Variants in TRPC4 observed in about 807,000 individuals in gnomAD.
TRPC4 encodes the protein short transient receptor potential channel 4.
In TRPC4, 49 loss-of-function variants were observed where a neutral mutation model predicts 99.4. The observed-to-expected ratio is 0.49, with a 90% CI of 0.39 to 0.63. The LOEUF (loss-of-function observed/expected upper bound fraction) is 0.63. TRPC4 is among the 20% of genes least tolerant of loss of function. The pLI is 0.00. For missense variants in TRPC4, 898 were observed against 1,152.9 expected (o/e 0.78, Z 3.20); for synonymous variants, 454 against 425.9 (o/e 1.07, Z -0.81).
At chr13:37,752,861 T>C (rs1301076418) in intron 2 of TRPC4, among the ~76,000 whole-genome samples, 1 of 152,084 alleles carries the variant, frequency 6.6e-6, no homozygotes, top group Non-Finnish European at 1.5e-5. Flanking sequence ...TTTAATGGCT[T>C]TCATTTAATC....
chr13:37,701,174 G>A (rs1954090953), intron 3 of TRPC4, among the ~76,000 whole-genome samples: 1 of 152,130 alleles, frequency 6.6e-6, no homozygotes, highest in Non-Finnish European at 1.5e-5. Context: ...AAGAGTTATA[G>A]TTCCCTATAA....
chr13:37,819,007 A>G (rs999669537), intron 1 of TRPC4, among the ~76,000 whole-genome samples: 1 of 151,986 alleles, frequency 6.6e-6, no homozygotes, highest in Non-Finnish European at 1.5e-5. Flanking sequence ...AAAACCATTA[A>G]TAATAGGAAA....
intron 1 of TRPC4, among the ~76,000 whole-genome samples, chr13:37,850,694 CCTT>C (rs1959031558): frequency 6.6e-6 from 1 of 152,044 alleles, no homozygotes; most frequent in Non-Finnish European, 1.5e-5. Context: ...AATTAACACT[CCTT>C]CTGAAAACAA....
intron 1 of TRPC4, among the ~76,000 whole-genome samples, chr13:37,811,423 C>A (rs1436986781): frequency 6.6e-6 from 1 of 152,132 alleles, no homozygotes; most frequent in Admixed American, 6.6e-5. Context: ...ATCCCAAATA[C>A]TGCCTTGAGA....
intron 4 of TRPC4, among the ~76,000 whole-genome samples, chr13:37,691,438 T>A (rs1401554480): frequency 6.6e-6 from 1 of 152,228 alleles, no homozygotes; most frequent in African/African-American, 2.4e-5. Context: ...CTTTAAGGTT[T>A]TCTACTTCAC....
intron 1 of TRPC4, among the ~76,000 whole-genome samples, chr13:37,804,801 T>C (rs1246078127): frequency 6.6e-6 from 1 of 152,030 alleles, no homozygotes; most frequent in African/African-American, 2.4e-5. Context: ...GTATAGGATA[T>C]CCATTTTGGA....
At chr13:37,778,260 A>ATT (rs57406120) in intron 2 of TRPC4, among the ~76,000 whole-genome samples, 5,847 of 152,044 alleles carry the variant, frequency 0.038, 141 homozygotes, top group African/African-American at 0.065. Context: ...GGGACATATT[A>ATT]TTACGTCACT....
chr13:37,833,412 T>G (rs1346848347), intron 1 of TRPC4, among the ~76,000 whole-genome samples: 1 of 152,196 alleles, frequency 6.6e-6, no homozygotes, highest in Non-Finnish European at 1.5e-5. Context: ...TTCACAACCA[T>G]CTGGGCATAT....
chr13:37,657,078 T>G (rs921625031), intron 6 of TRPC4, among the ~76,000 whole-genome samples: 3 of 152,232 alleles, frequency 2.0e-5, no homozygotes, highest in South Asian at 2.1e-4. Flanking sequence ...AGGATGGAAA[T>G]TGCTTTTTTA....
intron 1 of TRPC4, among the ~76,000 whole-genome samples, chr13:37,863,138 G>A (rs747149999): frequency 4.2e-4 from 64 of 151,346 alleles, no homozygotes; most frequent in African/African-American, 1.5e-3. Flanking sequence ...CATGATGTTC[G>A]TGCAATGATG....
intron 1 of TRPC4, among the ~76,000 whole-genome samples, chr13:37,821,458 A>G (rs886659961): frequency 6.6e-6 from 1 of 152,168 alleles, no homozygotes; most frequent in Admixed American, 6.6e-5. Flanking sequence ...AATTAGAAAA[A>G]CTATTTTAAA....
chr13:37,675,749 C>T (rs1953024137), intron 4 of TRPC4, among the ~76,000 whole-genome samples: 1 of 152,148 alleles, frequency 6.6e-6, no homozygotes, highest in Non-Finnish European at 1.5e-5. Context: ...GGGCATCGAT[C>T]ATGGAGAAAG....
At chr13:37,728,953 G>T (rs1018600717) in intron 3 of TRPC4, among the ~76,000 whole-genome samples, 1 of 152,042 alleles carries the variant, frequency 6.6e-6, no homozygotes, top group Admixed American at 6.6e-5. Context: ...TCAACAAATG[G>T]TGCTGGGAAA....
chr13:37,645,712 C>T lies in TRPC4; in HGVS notation c.2079+5553G>A, dbSNP rs1472528343. ...GGATCTACATATTGTTCTCTATAAA[C>T]AGTCTTTCTGCACCCTTATAGCATA... On this transcript the variant is annotated intron_variant, in intron 8 of 10. Coordinates refer to ENST00000379705, the MANE Select transcript of TRPC4 (RefSeq NM_016179.4). Among the ~76,000 whole-genome samples the T allele has an allele frequency of 2.0e-5, 3 of 152,180 alleles. No homozygotes were observed. In the East Asian group the frequency reaches 5.8e-4, roughly 29 times the overall value.
At chr13:37,800,524 T>A (rs1421478697) in intron 1 of TRPC4, among the ~76,000 whole-genome samples, 1 of 152,210 alleles carries the variant, frequency 6.6e-6, no homozygotes, top group East Asian at 1.9e-4. Flanking sequence ...ATTTAGTTGT[T>A]TCAGCTTTAG....
In TRPC4 at chr13:37,727,688, C is replaced by T. The variant is rs553362355; in HGVS notation, c.897+18249G>A. Among the ~76,000 whole-genome samples, 274 of 151,870 alleles carry T rather than the reference C, an allele frequency of 1.8e-3. 2 individuals are homozygous for T. The highest frequency in any genetic ancestry group is 2.7e-4 in the Non-Finnish European group (18 of 67,826). On this transcript the variant is annotated intron_variant, in intron 3 of 10. Transcript: ENST00000379705. ...GACTGACTAAAATAAATAGAGAAGA[C>T]TCAATTTACTAAAATCAGAAATGAA...
At chr13:37,695,227 T>G (rs1052839182) in intron 3 of TRPC4, among the ~76,000 whole-genome samples, 22 of 151,828 alleles carry the variant, frequency 1.4e-4, no homozygotes, top group African/African-American at 5.3e-4. Context: ...TTCCTCTCCC[T>G]GTGTCTTTTT....
intron 8 of TRPC4, 135 bp from the exon 9 acceptor site, chr13:37,639,434 G>A (rs1173671347): frequency 1.3e-6 from 1 of 779,886 alleles, no homozygotes; most frequent in Admixed American, 2.7e-5. Flanking sequence ...ATGGACAATG[G>A]CTAAAGAGTG....
At chr13:37,845,378 T>A (rs1042147342) in intron 1 of TRPC4, among the ~76,000 whole-genome samples, 17 of 151,966 alleles carry the variant, frequency 1.1e-4, no homozygotes, top group Middle Eastern at 3.4e-3. Flanking sequence ...TTCAGGAAAT[T>A]CCAAGAAAAT....
Sources: allele counts gnomAD v4.1 joint callset (sites outside exome capture counted in the v4.1 genomes callset), GRCh38; gene constraint gnomAD v4.1.1; transcripts MANE v1.5; gene names NCBI Gene and HGNC (gene_info 2026-07-23, HGNC 2026-07-21).